FBXW11: variants seen among roughly 807,000 people sequenced by gnomAD.
The protein encoded by FBXW11 is F-box and WD repeat domain containing 11.
Under a neutral mutation model 77.6 loss-of-function variants are expected in FBXW11, and 19 were observed. The observed-to-expected ratio is 0.24, with a 90% CI of 0.17 to 0.36. The LOEUF (loss-of-function observed/expected upper bound fraction) is 0.36, where lower values mean the gene tolerates loss of function less well. FBXW11 is among the 10% of genes least tolerant of loss of function. The pLI is 1.00. For synonymous variants in FBXW11, 235 were observed against 249.4 expected, an observed-to-expected ratio of 0.94 and a Z score of 0.54; for missense variants, 334 against 704.2, an observed-to-expected ratio of 0.47 and a Z score of 5.95.
intron 2 of FBXW11, among the ~76,000 whole-genome samples, chr5:171,935,145 G>A (rs1581224124): frequency 6.6e-6 from 1 of 152,310 alleles, no homozygotes; most frequent in Non-Finnish European, 1.5e-5. Flanking sequence ...TTTTAGTAGA[G>A]ACGGGGTTTC....
At chr5:171,906,246 T>C (rs1239500913) in intron 4 of FBXW11, among the ~76,000 whole-genome samples, 2 of 142,554 alleles carry the variant, frequency 1.4e-5, no homozygotes, top group Non-Finnish European at 3.1e-5. Context: ...TCCCCCTCCC[T>C]AGTCACAAAT....
chr5:171,873,805 A>C (rs764809770), intron 9 of FBXW11, among the ~76,000 whole-genome samples: 2 of 152,208 alleles, frequency 1.3e-5, no homozygotes, highest in Non-Finnish European at 2.9e-5. Flanking sequence ...ACAGCTAAAC[A>C]TATTATTAGA....
intron 1 of FBXW11, among the ~76,000 whole-genome samples, chr5:171,975,528 G>A (rs1302893155): frequency 6.6e-6 from 1 of 152,186 alleles, no homozygotes; most frequent in Non-Finnish European, 1.5e-5. Context: ...GTGTGAGAAA[G>A]AGCACAGGCA....
rs1324427052 is a variant in FBXW11 at position 171,972,690 on chromosome 5, G to A, written c.46-14992C>T. Among the ~76,000 whole-genome samples, 7 of 151,604 alleles carry A rather than the reference G, an allele frequency of 4.6e-5. No homozygotes were observed. The East Asian group carries it at 5.9e-4, about 13-fold the overall frequency. On this transcript the variant is annotated intron_variant, in intron 1 of 13. Coordinates refer to ENST00000517395, the MANE Select transcript of FBXW11 (RefSeq NM_001378974.1). ...CTCCCAAGTAGCTGGGATTACAGGCGCCCACCACCACACCTAGCTAATTTT... is the reference window on the plus strand; with the variant it reads ...CTCCCAAGTAGCTGGGATTACAGGCACCCACCACCACACCTAGCTAATTTT...
At chr5:171,950,470 C>G (rs907170578) in intron 2 of FBXW11, among the ~76,000 whole-genome samples, 1 of 151,144 alleles carries the variant, frequency 6.6e-6, no homozygotes, top group African/African-American at 2.4e-5. Context: ...GATAAAAGTA[C>G]CATTCATGAA....
intron 2 of FBXW11, among the ~76,000 whole-genome samples, chr5:171,951,902 G>T (rs986942285): frequency 2.6e-5 from 4 of 152,158 alleles, no homozygotes; most frequent in African/African-American, 4.8e-5. Flanking sequence ...AAGAAAAGTT[G>T]AACTAAGATT....
chr5:171,968,178 C>T (rs1185750893), intron 1 of FBXW11, among the ~76,000 whole-genome samples: 1 of 151,950 alleles, frequency 6.6e-6, no homozygotes, highest in Non-Finnish European at 1.5e-5. Flanking sequence ...ATTTGGTTGC[C>T]GGGCGCAGTG....
intron 4 of FBXW11, among the ~76,000 whole-genome samples, chr5:171,905,337 A>T (rs1342785776): frequency 6.6e-6 from 1 of 152,170 alleles, no homozygotes; most frequent in Non-Finnish European, 1.5e-5. Context: ...TCTTCACAAT[A>T]ACCTTCTGAG....
intron 1 of FBXW11, among the ~76,000 whole-genome samples, chr5:172,002,691 CTTTT>C (rs1396437960): frequency 5.2e-4 from 64 of 122,910 alleles, no homozygotes; most frequent in Non-Finnish European, 8.4e-4. Flanking sequence ...TTTCTTTTTT[CTTTT>C]CTTTTTTTTT....
At chr5:171,952,654 T>C (rs1039964843) in intron 2 of FBXW11, among the ~76,000 whole-genome samples, 2 of 149,984 alleles carry the variant, frequency 1.3e-5, no homozygotes, top group East Asian at 2.0e-4. Flanking sequence ...GGTTTCACCA[T>C]GTTGGCCAGG....
intron 1 of FBXW11, among the ~76,000 whole-genome samples, chr5:171,984,048 G>A (rs1765299242): frequency 6.6e-6 from 1 of 150,656 alleles, no homozygotes; most frequent in African/African-American, 2.4e-5. Context: ...AATAATGAGT[G>A]GGGGAACAAA....
intron 1 of FBXW11, among the ~76,000 whole-genome samples, 153 bp downstream of exon 1, chr5:172,006,305 G>A (rs778219646): frequency 6.6e-6 from 1 of 152,178 alleles, no homozygotes; most frequent in Non-Finnish European, 1.5e-5. Context: ...AGGAGCCCGC[G>A]CCAGGTCCGA....
chr5:171,913,158 A>T (rs960108495), intron 3 of FBXW11, among the ~76,000 whole-genome samples: 2 of 152,206 alleles, frequency 1.3e-5, no homozygotes, highest in Non-Finnish European at 2.9e-5. Context: ...TTGCCAAAAT[A>T]ATGGTTCATA....
chr5:171,865,406 A>G (rs1189365876), intron 13 of FBXW11, among the ~76,000 whole-genome samples: 1 of 152,246 alleles, frequency 6.6e-6, no homozygotes, highest in Non-Finnish European at 1.5e-5. Context: ...TGATCATAGC[A>G]TTGTTTTTTA....
At chr5:171,935,377 A>G (rs1018610718) in intron 2 of FBXW11, among the ~76,000 whole-genome samples, 1 of 151,654 alleles carries the variant, frequency 6.6e-6, no homozygotes, top group African/African-American at 2.4e-5. Flanking sequence ...TAAATTTACA[A>G]TATTTGAGTT....
chr5:171,930,421 G>C (rs1325682039), intron 2 of FBXW11, among the ~76,000 whole-genome samples: 1 of 152,152 alleles, frequency 6.6e-6, no homozygotes, highest in African/African-American at 2.4e-5. Flanking sequence ...CTAAGTTCTA[G>C]CTAATGCAAT....
chr5:171,865,584 A>T (rs149228526), intron 13 of FBXW11, among the ~76,000 whole-genome samples: 114 of 152,340 alleles, frequency 7.5e-4, no homozygotes, highest in African/African-American at 2.7e-3. Context: ...ACAGTTATAA[A>T]GCGTCATTTT....
chr5:171,981,027 T>C (rs1274176984), intron 1 of FBXW11, among the ~76,000 whole-genome samples: 11 of 151,698 alleles, frequency 7.3e-5, no homozygotes, highest in African/African-American at 2.4e-4. Context: ...CCCACCACCA[T>C]CTCCGGGAAA....
intron 2 of FBXW11, among the ~76,000 whole-genome samples, chr5:171,929,149 C>T (rs2113040665): frequency 6.6e-6 from 1 of 151,966 alleles, no homozygotes; most frequent in South Asian, 2.1e-4. Context: ...GTGGGTGGAT[C>T]ATTTGAGGTC....
Sources: gnomAD v4.1 joint callset for allele counts (sites outside exome capture counted in the v4.1 genomes callset) on GRCh38, gnomAD v4.1.1 for gene constraint, MANE v1.5 for transcripts, NCBI Gene and HGNC (gene_info 2026-07-23, HGNC 2026-07-21) for gene names.